Variants in PTK2 observed in about 807,000 individuals in gnomAD.
PTK2 encodes the protein protein tyrosine kinase 2.
A neutral mutation model predicts 150.1 loss-of-function variants in PTK2; 45 were observed. The observed-to-expected ratio is 0.30, with a 90% CI of 0.24 to 0.38. The LOEUF is 0.38. Ranked by LOEUF, PTK2 falls within the 10% of genes least tolerant of loss-of-function variation. The pLI, the probability that PTK2 is intolerant of heterozygous loss-of-function variation, is 1.00. For missense variants in PTK2, 919 were observed against 1,307.3 expected (o/e 0.70, Z 4.58); for synonymous variants, 432 against 449.2 (o/e 0.96, Z 0.48).
chr8:140,861,146 G>C (rs1046755856), intron 5 of PTK2, among the ~76,000 whole-genome samples: 3 of 152,184 alleles, frequency 2.0e-5, no homozygotes, highest in African/African-American at 7.2e-5. Flanking sequence ...TTTGAGACCA[G>C]CTTGGGTGGG....
rs574408055 is a variant in PTK2, at chr8:140,972,358, A to G, written c.-122+28767T>C. Among the ~76,000 whole-genome samples, 15 of 152,254 alleles carry G rather than the reference A, an allele frequency of 9.9e-5. No homozygotes were observed. The East Asian group carries it at 2.3e-3, about 24-fold the overall frequency. ...CGGCTCACTGCAACCTCCACCTCCC[A>G]GGTTCAAGTGATTCACCTGCCTCGG... On this transcript the variant is annotated intron_variant, in intron 1 of 31. Coordinates refer to ENST00000522684, the Ensembl canonical transcript of PTK2.
chr8:140,953,958 A>C (rs969312934), intron 1 of PTK2, among the ~76,000 whole-genome samples: 18 of 143,624 alleles, frequency 1.3e-4, no homozygotes, highest in Non-Finnish European at 9.3e-5. Context: ...GTTGTTACCC[A>C]GGCTGGTCTG....
At chr8:140,719,923 A>T (rs1196531872) in intron 22 of PTK2, among the ~76,000 whole-genome samples, 1 of 148,054 alleles carries the variant, frequency 6.8e-6, no homozygotes, top group Non-Finnish European at 1.5e-5. Context: ...AATCAAAAAC[A>T]ACAACAACAA....
chr8:140,665,762 G>A (rs1302163005), intron 30 of PTK2, among the ~76,000 whole-genome samples: 1 of 151,958 alleles, frequency 6.6e-6, no homozygotes, highest in Non-Finnish European at 1.5e-5. Context: ...AAAGTAAAAC[G>A]GTTAAAAAAA....
chr8:140,697,919 T>A, intron 26 of PTK2, among the ~76,000 whole-genome samples: 1 of 126,986 alleles, frequency 7.9e-6, no homozygotes, highest in East Asian at 2.8e-4. Context: ...AGTCTCAAAC[T>A]CCTAGACTTA....
intron 1 of PTK2, among the ~76,000 whole-genome samples, chr8:140,978,260 G>C (rs1335100443): frequency 4.5e-4 from 64 of 143,730 alleles, no homozygotes; most frequent in South Asian, 1.8e-3. Context: ...CAGACAAATG[G>C]GATCTAATTA....
chr8:140,744,608 T>C (rs765719459), intron 19 of PTK2, 44 bp downstream of exon 22: 4 of 1,298,640 alleles, frequency 3.1e-6, no homozygotes, highest in Admixed American at 2.0e-5. Context: ...TCTTGATCAC[T>C]ACTTTTCAGA....
At chr8:140,876,379 A>T (rs908630093) in intron 4 of PTK2, among the ~76,000 whole-genome samples, 1 of 152,218 alleles carries the variant, frequency 6.6e-6, no homozygotes, top group Non-Finnish European at 1.5e-5. Context: ...CACTACTTTG[A>T]ACATATTATC....
intron 2 of PTK2, among the ~76,000 whole-genome samples, chr8:140,896,799 GGT>G (rs1491292726): frequency 0.12 from 9,171 of 77,794 alleles, 785 homozygotes; most frequent in Non-Finnish European, 0.23. Flanking sequence ...GGGGGGGGGG[GGT>G]GGGTAAAACA....
At chr8:140,686,335 A>G (rs2100019804) in intron 27 of PTK2, among the ~76,000 whole-genome samples, 1 of 152,156 alleles carries the variant, frequency 6.6e-6, no homozygotes, top group Non-Finnish European at 1.5e-5. Context: ...TGACCTGTAT[A>G]ACAAACCCTT....
At chr8:140,926,448 G>A (rs1361046846) in intron 1 of PTK2, among the ~76,000 whole-genome samples, 1 of 152,124 alleles carries the variant, frequency 6.6e-6, no homozygotes, top group Non-Finnish European at 1.5e-5. Context: ...AAGGGTAAAT[G>A]AATCACAGTG....
chr8:140,846,683 A>G lies in PTK2; in HGVS notation c.451-5T>C. The stretch of plus-strand genomic sequence containing the variant: ...TAACATATAATCGCTCTTCACCTAC[A>G]ACAAAAGGAATGGGAAAAACAACAC... On this transcript the variant is annotated splice_polypyrimidine_tract_variant and splice_region_variant and intron_variant, in intron 5 of 31. Transcript: ENST00000522684. 1.3e-6 allele frequency: 2 copies of G among 1,599,246 alleles called. No individual in the cohort carries two copies. The highest frequency in any genetic ancestry group is 1.7e-6 in the Non-Finnish European group (2 of 1,173,314).
chr8:140,769,141 G>A (rs538153436), intron 14 of PTK2, among the ~76,000 whole-genome samples: 23 of 152,196 alleles, frequency 1.5e-4, no homozygotes, highest in African/African-American at 4.6e-4. Flanking sequence ...CCCTAATTCC[G>A]TTAGTTTCTG....
intron 10 of PTK2, among the ~76,000 whole-genome samples, chr8:140,811,598 A>G (rs1197299980): frequency 1.3e-5 from 2 of 152,222 alleles, no homozygotes; most frequent in Non-Finnish European, 2.9e-5. Context: ...AATTCAGAAC[A>G]TGGATAGGAA....
intron 2 of PTK2, among the ~76,000 whole-genome samples, chr8:140,920,590 T>C (rs1287227135): frequency 6.6e-6 from 1 of 152,206 alleles, no homozygotes; most frequent in Non-Finnish European, 1.5e-5. Context: ...GATAGCTTAA[T>C]GCACTTAAAA....
At chr8:140,959,424 A>C (rs999765014) in intron 1 of PTK2, among the ~76,000 whole-genome samples, 5 of 151,340 alleles carry the variant, frequency 3.3e-5, no homozygotes, top group Non-Finnish European at 7.4e-5. Flanking sequence ...CTGTAGTCCC[A>C]GCCACTTGGG....
At chr8:140,823,964 CCTT>C (rs1261223158) in intron 8 of PTK2, among the ~76,000 whole-genome samples, 3 of 152,210 alleles carry the variant, frequency 2.0e-5, no homozygotes, top group African/African-American at 7.2e-5. Flanking sequence ...TTCAAGCCCT[CCTT>C]GTTTCTCTTG....
At chr8:140,761,984 C>T (rs545267826) in intron 15 of PTK2, among the ~76,000 whole-genome samples, 1 of 152,080 alleles carries the variant, frequency 6.6e-6, no homozygotes, top group South Asian at 2.1e-4. Flanking sequence ...AAAGAAAATG[C>T]CCATTAAGAA....
intron 3 of PTK2, among the ~76,000 whole-genome samples, chr8:140,882,152 T>C (rs1462907623): frequency 6.6e-6 from 1 of 152,208 alleles, no homozygotes; most frequent in African/African-American, 2.4e-5. Flanking sequence ...CTCTGGATAG[T>C]GGCAAACATT....
Sources: gnomAD v4.1 joint callset for allele counts (sites outside exome capture counted in the v4.1 genomes callset) on GRCh38, gnomAD v4.1.1 for gene constraint, MANE v1.5 for transcripts, NCBI Gene and HGNC (gene_info 2026-07-23, HGNC 2026-07-21) for gene names.